Variants in GRID2 observed in about 807,000 individuals in gnomAD.
GRID2 encodes the protein glutamate receptor ionotropic, delta-2.
A neutral mutation model predicts 114.8 loss-of-function variants in GRID2; 33 were observed. The observed-to-expected ratio is 0.29, with a 90% CI of 0.22 to 0.38. GRID2 has a LOEUF of 0.38. Ranked by LOEUF, GRID2 falls within the 10% of genes least tolerant of loss-of-function variation. GRID2 has a pLI of 1.00. For missense variants in GRID2, 1,184 were observed against 1,257.7 expected, an observed-to-expected ratio of 0.94 and a Z score of 0.89; for synonymous variants, 505 against 449.9, an observed-to-expected ratio of 1.12 and a Z score of -1.55.
intron 1 of GRID2, among the ~76,000 whole-genome samples, chr4:92,527,287 C>A (rs1200766162): frequency 2.0e-5 from 3 of 152,102 alleles, no homozygotes; most frequent in African/African-American, 7.2e-5. Context: ...GTAAACTGAG[C>A]AAGAAAATGA....
At chr4:93,347,022 C>T (rs1760308077) in intron 8 of GRID2, among the ~76,000 whole-genome samples, 1 of 152,096 alleles carries the variant, frequency 6.6e-6, no homozygotes, top group Admixed American at 6.6e-5. Context: ...AACCTAGCAG[C>T]ATCTTTCGGT....
At position 92,532,566 on chromosome 4, in the gene GRID2, A is replaced by G. The variant is rs539114051; in HGVS notation, c.89-57565A>G. Among the ~76,000 whole-genome samples the G allele has an allele frequency of 5.9e-5, 9 of 152,310 alleles. No individual in the cohort carries two copies. The South Asian group carries it at 1.0e-3, about 18-fold the overall frequency. On this transcript the variant is annotated intron_variant, in intron 1 of 15. Transcript: ENST00000282020. ...AAGTCTTCAGTATTCAATTATGTTT[A>G]TAATTGCCCGTGTGTAGAATAATTT... is the stretch of plus-strand genomic sequence containing the variant.
At chr4:93,338,143 T>G (rs1226428610) in intron 8 of GRID2, among the ~76,000 whole-genome samples, 1 of 135,120 alleles carries the variant, frequency 7.4e-6, no homozygotes, top group East Asian at 1.9e-4. Flanking sequence ...ATCAGTGATG[T>G]GAATTTTTTT....
At chr4:93,637,520 A>T (rs1721521678) in intron 14 of GRID2, among the ~76,000 whole-genome samples, 1 of 152,180 alleles carries the variant, frequency 6.6e-6, no homozygotes, top group South Asian at 2.1e-4. Context: ...ATGACTGCCG[A>T]CATGGCTGTC....
intron 13 of GRID2, among the ~76,000 whole-genome samples, chr4:93,600,619 TAA>T (rs1739576425): frequency 1.3e-5 from 2 of 152,318 alleles, no homozygotes; most frequent in African/African-American, 4.8e-5. Context: ...ATTGATGATG[TAA>T]AATGCGTAAA....
At chr4:93,458,028 A>G (rs1469388594) in intron 11 of GRID2, among the ~76,000 whole-genome samples, 2 of 152,180 alleles carry the variant, frequency 1.3e-5, no homozygotes, top group African/African-American at 4.8e-5. Context: ...TAATGAGATC[A>G]CACAGAGTAG....
chr4:93,665,745 C>A (rs1723895284), intron 14 of GRID2, among the ~76,000 whole-genome samples: 1 of 152,138 alleles, frequency 6.6e-6, no homozygotes, highest in Non-Finnish European at 1.5e-5. Context: ...GCTTCATTTG[C>A]CATGATGGTT....
intron 8 of GRID2, among the ~76,000 whole-genome samples, chr4:93,326,416 G>A (rs1305221589): frequency 6.6e-6 from 1 of 152,160 alleles, no homozygotes; most frequent in Non-Finnish European, 1.5e-5. Flanking sequence ...GCCACAGGAA[G>A]AGTGCTTCAT....
At chr4:92,543,380 T>G (rs1726075944) in intron 1 of GRID2, among the ~76,000 whole-genome samples, 1 of 152,190 alleles carries the variant, frequency 6.6e-6, no homozygotes, top group Non-Finnish European at 1.5e-5. Context: ...AATAACCAAT[T>G]TCAAATAGTA....
chr4:92,838,426 G>T (rs1178084838), intron 2 of GRID2, among the ~76,000 whole-genome samples: 1 of 151,934 alleles, frequency 6.6e-6, no homozygotes, highest in East Asian at 1.9e-4. Flanking sequence ...TTCTGATTTT[G>T]CAATATGGAT....
chr4:92,659,343 TGGGTAAATACACA>T (rs1732408945), intron 2 of GRID2, among the ~76,000 whole-genome samples: 1 of 151,620 alleles, frequency 6.6e-6, no homozygotes, highest in South Asian at 2.1e-4. Context: ...AAGGGAAAGC[TGGGTAAATACACA>T]GGAAATCCAG....
chr4:92,481,582 G>A (rs937416148), intron 1 of GRID2, among the ~76,000 whole-genome samples: 9 of 151,938 alleles, frequency 5.9e-5, no homozygotes, highest in Non-Finnish European at 1.0e-4. Flanking sequence ...TTTTGTACTA[G>A]CATCATAAAA....
At chr4:93,734,634 C>G (rs1186651175) in intron 14 of GRID2, among the ~76,000 whole-genome samples, 2 of 151,962 alleles carry the variant, frequency 1.3e-5, no homozygotes, top group African/African-American at 4.8e-5. Flanking sequence ...TTGGAGAATT[C>G]TATCACCGAC....
At chr4:93,014,692 A>G (rs189200650) in intron 2 of GRID2, among the ~76,000 whole-genome samples, 1 of 152,176 alleles carries the variant, frequency 6.6e-6, no homozygotes, top group Non-Finnish European at 1.5e-5. Context: ...GTCAAATGTA[A>G]TTGTGAAATT....
intron 13 of GRID2, among the ~76,000 whole-genome samples, chr4:93,543,584 G>T (rs1732871042): frequency 6.6e-6 from 1 of 152,174 alleles, no homozygotes; most frequent in African/African-American, 2.4e-5. Context: ...CAATAAAATA[G>T]AATGTATTAA....
chr4:93,505,771 A>G (rs957891727), intron 12 of GRID2, among the ~76,000 whole-genome samples: 1 of 151,868 alleles, frequency 6.6e-6, no homozygotes, highest in Non-Finnish European at 1.5e-5. Context: ...GAAAAGGATC[A>G]TAAATGATAT....
At chr4:93,703,491 G>A (rs1003582032) in intron 14 of GRID2, among the ~76,000 whole-genome samples, 7 of 151,706 alleles carry the variant, frequency 4.6e-5, no homozygotes, top group South Asian at 2.1e-4. Flanking sequence ...ATACTAGATC[G>A]TATTTATTTT....
intron 2 of GRID2, among the ~76,000 whole-genome samples, chr4:92,804,382 C>T (rs755149643): frequency 1.5e-4 from 23 of 151,758 alleles, no homozygotes; most frequent in Non-Finnish European, 2.2e-4. Flanking sequence ...TTAAGGATTA[C>T]AATTATAATA....
intron 2 of GRID2, among the ~76,000 whole-genome samples, chr4:92,680,335 T>C (rs1448992912): frequency 6.6e-6 from 1 of 152,184 alleles, no homozygotes; most frequent in Non-Finnish European, 1.5e-5. Flanking sequence ...ATTTAATAAG[T>C]GTACATTCAG....
Sources: gnomAD v4.1 joint callset for allele counts (sites outside exome capture counted in the v4.1 genomes callset) on GRCh38, gnomAD v4.1.1 for gene constraint, MANE v1.5 for transcripts, NCBI Gene and HGNC (gene_info 2026-07-23, HGNC 2026-07-21) for gene names.